The following TRIM25 variants were observed in gnomAD, a reference collection of about 807,000 sequenced individuals.
The protein encoded by TRIM25 is tripartite motif containing 25.
A neutral mutation model predicts 65.2 loss-of-function variants in TRIM25; 45 were observed. The ratio of observed to expected loss-of-function variants is 0.69; its 90% confidence interval spans 0.54 to 0.89. TRIM25 has a LOEUF of 0.89. Ranked by LOEUF, TRIM25 falls within the 40% of genes least tolerant of loss-of-function variation. TRIM25 has a pLI of 0.00. For synonymous variants in TRIM25, 321 were observed against 340.4 expected, an observed-to-expected ratio of 0.94 and a Z score of 0.63; for missense variants, 714 against 803.7, an observed-to-expected ratio of 0.89 and a Z score of 1.35.
In TRIM25 at chr17:56,888,992, T is replaced by A. The variant is rs915715683; in HGVS notation, c.*2708A>T. 1 of 152,270 alleles carries A rather than the reference T, an allele frequency of 6.6e-6. No homozygotes were observed. The highest frequency in any genetic ancestry group is 2.4e-5 in the African/African-American group (1 of 41,474). The allele number at this position is 152,270 out of a possible 1,614,324, so 9.4% of individuals were successfully genotyped here. A position where few individuals can be genotyped will look rare whatever the true frequency, so the allele number is the denominator to read the frequency against. ...CCAGCCCTGGCCTTGTCTACAGCCA[T>A]GATTATCTCCTTAAAGAGTTAACTC... On this transcript the variant is annotated 3_prime_UTR_variant, in exon 9 of 9. Transcript: ENST00000316881.
At chr17:56,905,539 T>A (rs1217524186) in intron 2 of TRIM25, among the ~76,000 whole-genome samples, 2 of 152,144 alleles carry the variant, frequency 1.3e-5, no homozygotes, top group Admixed American at 1.3e-4. Flanking sequence ...GAGTGTAAAA[T>A]ACATACTGGC....
Position 56,891,567 on chromosome 17 carries a change from C to CCCCACCCCA in TRIM25, c.*132_*133insTGGGGTGGG. The CCCCACCCCA allele has an allele frequency of 2.5e-6, 2 of 811,834 alleles. No homozygotes were observed. Among genetic ancestry groups the CCCCACCCCA allele is most frequent in the Non-Finnish European group, 3.7e-6 (2 of 539,152 alleles). The allele number at this position is 811,834 out of a possible 1,614,324, so 50.3% of individuals were successfully genotyped here. On this transcript the variant is annotated 3_prime_UTR_variant, in exon 9 of 9. Transcript: ENST00000316881. ...TGGCTAAATCCCACCTCCCACCCTC[C>CCCCACCCCA]CGCCAGCTCCCCTCCCATGCTCCCA... is the stretch of plus-strand genomic sequence containing the variant.
At position 56,908,536 on chromosome 17, in the gene TRIM25, T is replaced by A; in HGVS notation, c.625A>T (p.Met209Leu). The change falls in exon 2 of 9, where the codon ATG (methionine) becomes TTG (leucine). Residue 209 changes from methionine (M) to leucine (L), a missense_variant. Physicochemically the swap from Met to Leu is conservative, Grantham distance 15. This residue lies in a region of TRIM25 where 291 missense variants were observed against 281.8 expected (regional missense o/e 1.03). Coordinates refer to ENST00000316881, the MANE Select transcript of TRIM25 (RefSeq NM_005082.5). ...EATLRHKLTVMYSQINGASRA... is the reference protein window; with the variant it reads ...EATLRHKLTVLYSQINGASRA... ...GACGCCCCGTTGATCTGACTGTACA[T>A]GACAGTTAGTTTGTGCCTCAGGGTG... 6.2e-7 allele frequency: 1 copy of A among 1,614,046 alleles called. No homozygotes were observed. Among genetic ancestry groups the A allele is most frequent in the Non-Finnish European group, 8.5e-7 (1 of 1,180,026 alleles).
At chr17:56,895,696 G>T (rs116516045) in intron 6 of TRIM25, 92 bp from the exon 7 acceptor site, 151 of 1,339,830 alleles carry the variant, frequency 1.1e-4, no homozygotes, top group Non-Finnish European at 1.5e-4. Context: ...ACAAACACAC[G>T]CCTGAACAGC....
chr17:56,891,973 G>A lies in TRIM25; in HGVS notation c.1620C>T (p.Ser540=), dbSNP rs754492390. The change falls in exon 9 of 9, where the codon AGC becomes AGT. Residue 540 remains serine (S), a synonymous_variant. Transcript: ENST00000316881. ...AGGAGGCGCTGTTGCGGCCGAGCCT[G>A]CTTTCTGGGCCCTGCCGGTTCATGC... ...YGSMNRQGPE[S]RLGRNSASWC... 1.5e-5 allele frequency: 25 copies of A among 1,614,200 alleles called. No homozygotes were observed. In the East Asian group the frequency reaches 5.3e-4, roughly 35 times the overall value.
In TRIM25 at chr17:56,893,278, C is replaced by T. The variant is rs550210523; in HGVS notation, c.1364-1049G>A. On this transcript the variant is annotated intron_variant, in intron 8 of 8. Coordinates refer to ENST00000316881, the MANE Select transcript of TRIM25 (RefSeq NM_005082.5). ...ACACTTTTCACTGGAGCCCGAGTTT[C>T]CCCCAAGGCAAAATGAATAAGCTGG... is the stretch of plus-strand genomic sequence containing the variant. Among the ~76,000 whole-genome samples the T allele has an allele frequency of 1.3e-4, 20 of 150,348 alleles. No homozygotes were observed. The Middle Eastern group carries it at 0.014, about 102-fold the overall frequency.
At chr17:56,908,085 G>C (rs1567842276) in intron 2 of TRIM25, among the ~76,000 whole-genome samples, 1 of 152,190 alleles carries the variant, frequency 6.6e-6, no homozygotes, top group African/African-American at 2.4e-5. Flanking sequence ...AAGCCACCAA[G>C]TTTCTGGCAA....
At chr17:56,893,031 A>G (rs916871953) in intron 8 of TRIM25, among the ~76,000 whole-genome samples, 1 of 152,222 alleles carries the variant, frequency 6.6e-6, no homozygotes, top group Non-Finnish European at 1.5e-5. Flanking sequence ...AGAGAGAGAA[A>G]AGCTGTTCCA....
At chr17:56,895,485 T>C (rs1043038847) in intron 7 of TRIM25, 36 bp downstream of exon 7, 2 of 1,613,844 alleles carry the variant, frequency 1.2e-6, no homozygotes, top group Non-Finnish European at 1.7e-6. Context: ...AAACTCAGAG[T>C]GGACACCCCA....
intron 5 of TRIM25, among the ~76,000 whole-genome samples, 174 bp from the exon 6 acceptor site, chr17:56,896,126 G>C (rs998066398): frequency 6.6e-6 from 1 of 152,192 alleles, no homozygotes; most frequent in African/African-American, 2.4e-5. Context: ...AAACCAGCAT[G>C]AGCGGTCGTG....
At chr17:56,905,363 C>CA (rs770356235) in intron 2 of TRIM25, among the ~76,000 whole-genome samples, 6 of 151,758 alleles carry the variant, frequency 4.0e-5, no homozygotes, top group African/African-American at 1.2e-4. Flanking sequence ...GACGCTATCT[C>CA]AAAAAAATAA....
chr17:56,907,201 T>C (rs556225888), intron 2 of TRIM25, among the ~76,000 whole-genome samples: 12 of 152,336 alleles, frequency 7.9e-5, no homozygotes, highest in Non-Finnish European at 2.9e-5. Flanking sequence ...GAACCCTTAG[T>C]CTGGGTTACT....
At chr17:56,895,463 G>T in intron 7 of TRIM25, 22 bp from the exon 8 acceptor site, 5 of 1,614,008 alleles carry the variant, frequency 3.1e-6, no homozygotes, top group Non-Finnish European at 4.2e-6. Flanking sequence ...AACAGAGAGT[G>T]ATTTGCAGAA....
rs531622962 is a variant in TRIM25, at chr17:56,901,636, A to T, written c.928-58T>A. The T allele has an allele frequency of 4.4e-6, 7 of 1,600,830 alleles. No individual in the cohort carries two copies. The Admixed American group carries it at 1.0e-4, about 23-fold the overall frequency. ...TCTGGTGAAACGGGGACCTGGGCTC[A>T]GTCCTCACCAACCCCAGGAGGCTCT... On this transcript the variant is annotated intron_variant, in intron 3 of 8. Coordinates refer to ENST00000316881, the MANE Select transcript of TRIM25 (RefSeq NM_005082.5).
intron 2 of TRIM25, among the ~76,000 whole-genome samples, chr17:56,906,650 C>T (rs960827156): frequency 4.6e-5 from 7 of 152,174 alleles, no homozygotes; most frequent in South Asian, 2.1e-4. Flanking sequence ...TGCACCACCA[C>T]GCCCGGCTAA....
chr17:56,900,243 C>G (rs928353634), intron 4 of TRIM25, among the ~76,000 whole-genome samples: 4 of 151,794 alleles, frequency 2.6e-5, no homozygotes, highest in Non-Finnish European at 4.4e-5. Context: ...TTTAATTAGC[C>G]GGGCATGATG....
At chr17:56,895,990 G>T in intron 5 of TRIM25, 38 bp from the exon 6 acceptor site, 1 of 1,591,440 alleles carries the variant, frequency 6.3e-7, no homozygotes, top group Non-Finnish European at 8.6e-7. Context: ...TTCTTTTAAG[G>T]CACAACACAA....
At chr17:56,904,172 C>G in intron 3 of TRIM25, 83 bp downstream of exon 3, 1 of 1,207,190 alleles carries the variant, frequency 8.3e-7, no homozygotes, top group Non-Finnish European at 1.2e-6. Flanking sequence ...CAGTCTCCCG[C>G]TCCTTGAGGG....
chr17:56,904,734 C>G (rs1008494255), intron 2 of TRIM25, among the ~76,000 whole-genome samples: 2 of 152,202 alleles, frequency 1.3e-5, no homozygotes, highest in African/African-American at 4.8e-5. Context: ...CTGAGACATG[C>G]ATAAGAATGT....
Sources: allele counts gnomAD v4.1 joint callset (sites outside exome capture counted in the v4.1 genomes callset), GRCh38; gene constraint gnomAD v4.1.1; regional missense constraint gnomAD v4.1.1; transcripts MANE v1.5; gene names NCBI Gene and HGNC (gene_info 2026-07-23, HGNC 2026-07-21).